HVCN1: variants seen among roughly 807,000 people sequenced by gnomAD.
The protein encoded by HVCN1 is hydrogen voltage gated channel 1.
Under a neutral mutation model 29.2 loss-of-function variants are expected in HVCN1, and 14 were observed. The observed-to-expected ratio is 0.48, with a 90% CI of 0.32 to 0.75. The LOEUF (loss-of-function observed/expected upper bound fraction) is 0.75, where lower values mean the gene tolerates loss of function less well. HVCN1 is among the 30% of genes least tolerant of loss of function. The pLI, the probability that HVCN1 is intolerant of heterozygous loss-of-function variation, is 0.04. For missense variants in HVCN1, 263 were observed against 341.8 expected (o/e 0.77, Z 1.82); for synonymous variants, 131 against 133.2 (o/e 0.98, Z 0.11).
intron 3 of HVCN1, among the ~76,000 whole-genome samples, chr12:110,677,308 G>C (rs871921): frequency 0.24 from 36,003 of 151,808 alleles, 6,478 homozygotes; most frequent in African/African-American, 0.51. Context: ...TCTCACCTCT[G>C]TCCCCACTCT....
At position 110,658,744 on chromosome 12, in the gene HVCN1, T is replaced by C. The variant is rs892097793; in HGVS notation, c.306+2420A>G. On this transcript the variant is annotated intron_variant, in intron 4 of 7. Coordinates refer to ENST00000242607, the MANE Select transcript of HVCN1 (RefSeq NM_032369.4). This position sits in a 1 kb window ranked among gnomAD's most constrained non-coding sequence, Gnocchi z 5.0. ...GTGATGGCTCCCGTCATTCCTGCCT[T>C]TCTGCAGCCTGCCAAATCCTCAATG... 1.3e-5 allele frequency among the ~76,000 whole-genome samples: 2 copies of C among 152,204 alleles called. No individual in the cohort carries two copies. Among genetic ancestry groups the C allele is most frequent in the Non-Finnish European group, 2.9e-5 (2 of 68,038 alleles).
intron 3 of HVCN1, among the ~76,000 whole-genome samples, chr12:110,670,221 TAC>T (rs1257398792): frequency 6.6e-6 from 1 of 152,186 alleles, no homozygotes; most frequent in Non-Finnish European, 1.5e-5. Context: ...TGCCTATTTT[TAC>T]AGGCTCAGAA....
At chr12:110,692,441 C>T (rs564804513), upstream of HVCN1, among the ~76,000 whole-genome samples, 7 of 152,226 alleles carry the variant, frequency 4.6e-5, no homozygotes, top group South Asian at 6.2e-4. Flanking sequence ...AGGAGAAGGC[C>T]GGGCATGGTG....
intron 2 of HVCN1, among the ~76,000 whole-genome samples, chr12:110,687,278 A>C (rs1423160140): frequency 1.4e-5 from 2 of 146,610 alleles, no homozygotes. Flanking sequence ...CCAGCTAAGC[A>C]CTGGGAAGCC....
intron 4 of HVCN1, among the ~76,000 whole-genome samples, chr12:110,655,997 G>A (rs188427568): frequency 1.3e-5 from 2 of 152,300 alleles, no homozygotes; most frequent in Non-Finnish European, 2.9e-5. Flanking sequence ...AAGCCACCGT[G>A]CCCAGGCAAG....
chr12:110,652,825 A>G (rs1566026989), intron 5 of HVCN1, among the ~76,000 whole-genome samples: 1 of 152,210 alleles, frequency 6.6e-6, no homozygotes, highest in Non-Finnish European at 1.5e-5. Flanking sequence ...GGAAGAGGAT[A>G]TTTGCATGCT....
At chr12:110,699,904 T>C (rs2069546287) in intron 2 of HVCN1, among the ~76,000 whole-genome samples, 2 of 152,072 alleles carry the variant, frequency 1.3e-5, no homozygotes, top group African/African-American at 4.8e-5. Context: ...GGGCTGTAAG[T>C]TGCCTCCGTT....
chr12:110,661,259 C>T lies in HVCN1; in HGVS notation c.211G>A (p.Ala71Thr), dbSNP rs763379572. The change falls in exon 4 of 8, where the codon GCC becomes ACC. Residue 71 changes from alanine (A) to threonine (T), a missense_variant. Coordinates refer to ENST00000242607, the MANE Select transcript of HVCN1 (RefSeq NM_032369.4). The surrounding 1 kb of genome is among the most constrained non-coding windows in gnomAD (Gnocchi z 6.2). ...PVSGEEGRAA[A>T]PDVAPAPGPA... ...CCAGGGGCAGGGGCAACGTCAGGGG[C>T]TGCAGCTCTGCCTTCCTCGCCTGAG... 1.1e-5 allele frequency: 17 copies of T among 1,614,190 alleles called. No individual in the cohort carries two copies. The South Asian group carries it at 1.9e-4, about 18-fold the overall frequency.
chr12:110,701,358 C>T (rs563292740), intron 2 of HVCN1, among the ~76,000 whole-genome samples: 1 of 152,298 alleles, frequency 6.6e-6, no homozygotes, highest in East Asian at 1.9e-4. Context: ...ACAATACCAG[C>T]ATCACTCTGA....
chr12:110,682,974 A>AC, intron 3 of HVCN1: 1 of 440,470 alleles, frequency 2.3e-6, no homozygotes, highest in South Asian at 2.5e-5. Flanking sequence ...CAAAAAAAAA[A>AC]AAACAAAAAA....
intron 2 of HVCN1, chr12:110,688,407 TC>T (rs1316752578): frequency 6.6e-6 from 1 of 152,314 alleles, no homozygotes; most frequent in Admixed American, 6.5e-5. Context: ...TCACTCTTGT[TC>T]CTCAGCATCT....
chr12:110,683,927 G>GAA lies in HVCN1; in HGVS notation c.-19-665_-19-664dup, dbSNP rs543302185. On this transcript the variant is annotated intron_variant, in intron 2 of 7. Coordinates refer to ENST00000242607, the MANE Select transcript of HVCN1 (RefSeq NM_032369.4). ...CTCTATCTAAAAAAAAAAAAAAAAG[G>GAA]AAAAAAAAAAAGAGAGAGAAATAAA... 3.6e-3 allele frequency among the ~76,000 whole-genome samples: 398 copies of GAA among 111,970 alleles called. 2 individuals carry two copies. Among genetic ancestry groups the GAA allele is most frequent in the African/African-American group, 0.011 (351 of 31,108 alleles). 73.5% of individuals were successfully genotyped at this position (111,970 alleles called of 152,430 possible). A position where few individuals can be genotyped will look rare whatever the true frequency, so the allele number is the denominator to read the frequency against.
Position 110,661,466 on chromosome 12 carries a change from A to G in HVCN1, c.22-18T>C. 3 of 1,610,022 alleles carry G rather than the reference A, an allele frequency of 1.9e-6. No homozygotes were observed. Among genetic ancestry groups the G allele is most frequent in the Non-Finnish European group, 2.5e-6 (3 of 1,177,192 alleles). ...GTGACTGCCTAGAAGGCGGGGACAG[A>G]GAGCAAGAGCTTCAGGCAGTTGGCC... is the stretch of plus-strand genomic sequence containing the variant. On this transcript the variant is annotated intron_variant, in intron 3 of 7. Coordinates refer to ENST00000242607, the MANE Select transcript of HVCN1 (RefSeq NM_032369.4). The surrounding 1 kb of genome is among the most constrained non-coding windows in gnomAD (Gnocchi z 6.2).
chr12:110,694,137 A>C (rs2069454574), upstream of HVCN1, among the ~76,000 whole-genome samples: 3 of 152,292 alleles, frequency 2.0e-5, no homozygotes, highest in South Asian at 6.2e-4. This position sits in a 1 kb window ranked among gnomAD's most constrained non-coding sequence, Gnocchi z 4.6. Context: ...ATCACTACCC[A>C]CTTCGGCCTT....
intron 1 of HVCN1, among the ~76,000 whole-genome samples, chr12:110,703,642 A>G (rs957023587): frequency 6.6e-6 from 1 of 152,060 alleles, no homozygotes; most frequent in Non-Finnish European, 1.5e-5. Context: ...TAAAACAAAT[A>G]AAAACGACCG....
At chr12:110,668,049 A>T (rs2068431003) in intron 3 of HVCN1, among the ~76,000 whole-genome samples, 1 of 152,108 alleles carries the variant, frequency 6.6e-6, no homozygotes, top group Non-Finnish European at 1.5e-5. Context: ...CAGCTTCACC[A>T]TGCACTCCAG....
intron 5 of HVCN1, among the ~76,000 whole-genome samples, chr12:110,653,531 G>GA (rs2067883467): frequency 6.6e-6 from 1 of 151,770 alleles, no homozygotes; most frequent in African/African-American, 2.4e-5. Flanking sequence ...ATCCTAGTTT[G>GA]AAAAAAACTG....
chr12:110,661,328 C>T lies in HVCN1; in HGVS notation c.142G>A (p.Glu48Lys). ...TGCTCCTCCTCCTCCTCCTCCTCTT[C>T]ATTCTCCCATTTCTTGTAGTTGATG... ...WNINYKKWEN[E>K]EEEEEEEQPP... is the part of the protein sequence containing the mutation. The change falls in exon 4 of 8, where the codon GAA becomes AAA. Residue 48 changes from glutamate to lysine, a missense_variant. Physicochemically the swap from Glu to Lys is moderately conservative, Grantham distance 56 (BLOSUM62 1). This residue lies in a region of HVCN1 where 157 missense variants were observed against 181.3 expected (regional missense o/e 0.87). Transcript: ENST00000242607. This position sits in a 1 kb window ranked among gnomAD's most constrained non-coding sequence, Gnocchi z 6.2. 6.2e-7 allele frequency: 1 copy of T among 1,614,220 alleles called. No homozygotes were observed. The highest frequency in any genetic ancestry group is 8.5e-7 in the Non-Finnish European group (1 of 1,180,026).
chr12:110,691,975 G>T (rs1270238744), upstream of HVCN1, among the ~76,000 whole-genome samples: 1 of 152,184 alleles, frequency 6.6e-6, no homozygotes, highest in Non-Finnish European at 1.5e-5. Flanking sequence ...GGAGAATTTG[G>T]TGATATTCTC....
Sources: gnomAD v4.1 joint callset for allele counts (sites outside exome capture counted in the v4.1 genomes callset) on GRCh38, gnomAD v4.1.1 for gene constraint, gnomAD v4.1.1 regional missense constraint, Gnocchi (gnomAD v3.1) non-coding constraint, MANE v1.5 for transcripts, NCBI Gene and HGNC (gene_info 2026-07-23, HGNC 2026-07-21) for gene names.